The following FAM20B variants were observed in gnomAD, a reference collection of about 807,000 sequenced individuals.
FAM20B encodes glycosaminoglycan xylosylkinase.
A neutral mutation model predicts 43.8 loss-of-function variants in FAM20B; 23 were observed. The ratio of observed to expected loss-of-function variants is 0.53; its 90% CI spans 0.38 to 0.74. The LOEUF (loss-of-function observed/expected upper bound fraction) is 0.74, where lower values mean the gene tolerates loss of function less well. Ranked by LOEUF, FAM20B falls within the 30% of genes least tolerant of loss-of-function variation. The pLI is 0.00. For missense variants in FAM20B, 440 were observed against 510.5 expected (o/e 0.86, Z 1.33); for synonymous variants, 178 against 192.4 (o/e 0.93, Z 0.62).
At chr1:179,034,631 A>G (rs191281805) in intron 1 of FAM20B, among the ~76,000 whole-genome samples, 3 of 152,212 alleles carry the variant, frequency 2.0e-5, no homozygotes, top group Admixed American at 6.5e-5. Flanking sequence ...ATACTCACCA[A>G]ACCTTCAGAG....
intron 7 of FAM20B, among the ~76,000 whole-genome samples, chr1:179,069,920 C>T (rs16853610): frequency 0.084 from 12,839 of 152,242 alleles, 678 homozygotes; most frequent in African/African-American, 0.14. Flanking sequence ...AGTAATTCCT[C>T]CTTTACCCAC....
chr1:179,047,023 A>G (rs967993869), intron 2 of FAM20B, among the ~76,000 whole-genome samples: 1 of 152,132 alleles, frequency 6.6e-6, no homozygotes, highest in Non-Finnish European at 1.5e-5. Flanking sequence ...CATCACACCT[A>G]CCACTTGTAC....
chr1:179,061,266 C>T (rs999481458), intron 4 of FAM20B, among the ~76,000 whole-genome samples: 5 of 151,978 alleles, frequency 3.3e-5, no homozygotes, highest in African/African-American at 9.7e-5. Context: ...TTAGTAGAGA[C>T]AGGGTTTCGC....
chr1:179,036,238 A>G (rs763072254), intron 1 of FAM20B, among the ~76,000 whole-genome samples: 56 of 152,308 alleles, frequency 3.7e-4, no homozygotes, highest in African/African-American at 1.2e-3. Context: ...GTAAAGGTCT[A>G]CTTTCCAGAA....
intron 1 of FAM20B, among the ~76,000 whole-genome samples, chr1:179,032,772 A>G (rs1208034296): frequency 6.6e-6 from 1 of 152,188 alleles, no homozygotes; most frequent in Non-Finnish European, 1.5e-5. Context: ...TGAAGATGAA[A>G]GGAAGAATAG....
chr1:179,042,278 G>A (rs1313085556), intron 1 of FAM20B, among the ~76,000 whole-genome samples: 1 of 152,256 alleles, frequency 6.6e-6, no homozygotes, highest in Non-Finnish European at 1.5e-5. Context: ...TCTGGCCACT[G>A]TACACAGCCA....
intron 1 of FAM20B, among the ~76,000 whole-genome samples, chr1:179,041,332 C>T (rs1374592218): frequency 2.0e-5 from 3 of 152,130 alleles, no homozygotes; most frequent in Non-Finnish European, 2.9e-5. Context: ...TGTAGCGAGC[C>T]GAGATCACGC....
chr1:179,022,501 AT>A (rs1391832328), upstream of FAM20B, among the ~76,000 whole-genome samples: 3 of 152,206 alleles, frequency 2.0e-5, no homozygotes, highest in Non-Finnish European at 4.4e-5. Flanking sequence ...GCCTTCGTGT[AT>A]GCAAAAGCAC....
chr1:179,040,586 G>C (rs537506275), intron 1 of FAM20B, among the ~76,000 whole-genome samples: 55 of 113,154 alleles, frequency 4.9e-4, no homozygotes, highest in East Asian at 7.7e-4. Flanking sequence ...CGGGCAGAGG[G>C]GCTCCTCACT....
At chr1:179,018,497 G>C in the FAM20B span, among the ~76,000 whole-genome samples, 5 of 151,966 alleles carry the variant, frequency 3.3e-5, no homozygotes, top group South Asian at 4.1e-4. Flanking sequence ...AGTAGAAGCG[G>C]GGTTTCACTA....
chr1:179,051,261 G>T (rs1363744315), intron 3 of FAM20B, among the ~76,000 whole-genome samples: 1 of 151,838 alleles, frequency 6.6e-6, no homozygotes, highest in Admixed American at 6.6e-5. Flanking sequence ...CAGTTACTCT[G>T]CTGACCAGCT....
At chr1:179,024,070 T>A (rs561830439), upstream of FAM20B, among the ~76,000 whole-genome samples, 2 of 152,086 alleles carry the variant, frequency 1.3e-5, no homozygotes, top group African/African-American at 4.8e-5. Context: ...GCAGAACAAT[T>A]TTGTCGTCTG....
chr1:179,040,488 G>A (rs1650446390), intron 1 of FAM20B, among the ~76,000 whole-genome samples: 1 of 146,032 alleles, frequency 6.8e-6, no homozygotes, highest in Non-Finnish European at 1.5e-5. Flanking sequence ...CGGGCGGGGG[G>A]CTGACCCCCC....
intron 1 of FAM20B, among the ~76,000 whole-genome samples, chr1:179,038,132 G>A (rs985839405): frequency 2.6e-5 from 4 of 152,134 alleles, no homozygotes; most frequent in Non-Finnish European, 4.4e-5. Context: ...TGGGTTGGTC[G>A]GGACAGTGGC....
At chr1:179,060,865 T>C (rs192794935) in intron 4 of FAM20B, among the ~76,000 whole-genome samples, 117 of 152,360 alleles carry the variant, frequency 7.7e-4, no homozygotes, top group Middle Eastern at 6.8e-3. Context: ...CTCTTTCTGC[T>C]AGCTTCACCA....
chr1:179,069,658 C>T (rs1049456556), intron 7 of FAM20B, among the ~76,000 whole-genome samples: 7 of 152,140 alleles, frequency 4.6e-5, no homozygotes, highest in African/African-American at 1.7e-4. Flanking sequence ...AGGCATGAGC[C>T]ACCGTGCCTG....
At chr1:179,068,936 C>A (rs1438563502) in intron 7 of FAM20B, among the ~76,000 whole-genome samples, 1 of 152,168 alleles carries the variant, frequency 6.6e-6, no homozygotes, top group Non-Finnish European at 1.5e-5. Context: ...AAGCAACTCT[C>A]CAGAGTGCAG....
chr1:179,042,515 G>A (rs1284588460), intron 1 of FAM20B, among the ~76,000 whole-genome samples: 1 of 152,186 alleles, frequency 6.6e-6, no homozygotes, highest in Non-Finnish European at 1.5e-5. Flanking sequence ...CTAGGTCTGA[G>A]CTCCACAAAG....
the FAM20B span, among the ~76,000 whole-genome samples, chr1:179,019,894 G>T: frequency 3.9e-5 from 6 of 152,162 alleles, no homozygotes; most frequent in Non-Finnish European, 7.3e-5. Context: ...TTGCCTGAGG[G>T]ATCTCCCTGC....
Sources: gnomAD v4.1 joint callset for allele counts (sites outside exome capture counted in the v4.1 genomes callset) on GRCh38, gnomAD v4.1.1 for gene constraint, MANE v1.5 for transcripts, NCBI Gene and HGNC (gene_info 2026-07-23, HGNC 2026-07-21) for gene names.